PZP: variants seen among roughly 807,000 people sequenced by gnomAD.
PZP encodes PZP alpha-2-macroglobulin like, also known as pregnancy zone protein.
A neutral mutation model predicts 179.8 loss-of-function variants in PZP; 150 were observed. That is an observed-to-expected ratio of 0.83 (90% CI 0.73 to 0.96). The LOEUF (loss-of-function observed/expected upper bound fraction) is 0.96, where lower values mean the gene tolerates loss of function less well. Ranked by LOEUF, PZP falls within the 40% of genes least tolerant of loss-of-function variation. The probability of loss-of-function intolerance (pLI) is 0.00; values close to 1 mark genes in which losing one functional copy is unlikely to be tolerated. For missense variants in PZP, 1,689 were observed against 1,764.0 expected, an observed-to-expected ratio of 0.96 and a Z score of 0.76; for synonymous variants, 624 against 652.3, an observed-to-expected ratio of 0.96 and a Z score of 0.66.
intron 28 of PZP, chr12:9,156,019 T>C (rs1226893222): frequency 1.1e-5 from 2 of 176,828 alleles, no homozygotes; most frequent in Non-Finnish European, 2.4e-5. Context: ...TTCTTGACCT[T>C]TTGGCTAAGA....
intron 4 of PZP, among the ~76,000 whole-genome samples, 164 bp from the exon 5 acceptor site, chr12:9,201,511 C>T (rs971009407): frequency 2.0e-5 from 3 of 152,040 alleles, no homozygotes; most frequent in African/African-American, 7.2e-5. Context: ...TTAAATAGTT[C>T]TAGGATGAGC....
rs776889929 is a variant in PZP at position 9,202,390 on chromosome 12, G to A, written c.428-19C>T. 18 of 1,613,914 alleles carry A rather than the reference G, an allele frequency of 1.1e-5. No individual in the cohort carries two copies. The highest frequency in any genetic ancestry group is 1.6e-4 in the Middle Eastern group (1 of 6,084). The stretch of plus-strand genomic sequence containing the variant: ...AATCTTACTGGAAAAGTAGTTCTCC[G>A]ATAAGATTCAGACATGATAAAGCAG... On this transcript the variant is annotated intron_variant, in intron 3 of 35. Transcript: ENST00000261336.
At chr12:9,199,865 T>C (rs1487919038) in intron 7 of PZP, among the ~76,000 whole-genome samples, 2 of 152,126 alleles carry the variant, frequency 1.3e-5, no homozygotes, top group East Asian at 1.9e-4. Context: ...AAATTTCCGT[T>C]GTAGAGAGTT....
the PZP span, among the ~76,000 whole-genome samples, chr12:9,136,793 T>C: frequency 6.6e-6 from 1 of 152,208 alleles, no homozygotes; most frequent in East Asian, 1.9e-4. Context: ...GAGCATTTTT[T>C]CATATACCTA....
At chr12:9,202,170 G>T in intron 4 of PZP, 149 bp downstream of exon 4, 1 of 694,958 alleles carries the variant, frequency 1.4e-6, no homozygotes, top group Non-Finnish European at 2.4e-6. Flanking sequence ...TTTTTGTTTT[G>T]TATAAGACTG....
Position 9,168,866 on chromosome 12 carries a change from T to C in PZP, c.2107+3A>G. The C allele has an allele frequency of 6.2e-7, 1 of 1,605,494 alleles. No homozygotes were observed. The highest frequency in any genetic ancestry group is 8.5e-7 in the Non-Finnish European group (1 of 1,173,416). On this transcript the variant is annotated splice_donor_region_variant and intron_variant, in intron 17 of 35. Transcript: ENST00000261336. ...TAAAATTAAAAGCAAATTGCTGTTT[T>C]ACCTCCATAGTATCCTTGACCTACT...
At chr12:9,164,812 ACT>A (rs1168544807) in intron 19 of PZP, among the ~76,000 whole-genome samples, 2 of 152,172 alleles carry the variant, frequency 1.3e-5, no homozygotes, top group African/African-American at 4.8e-5. Flanking sequence ...TTGGAGAATG[ACT>A]CTCGTGGAAC....
chr12:9,156,716 A>G (rs1191153357), intron 28 of PZP, among the ~76,000 whole-genome samples: 3 of 152,176 alleles, frequency 2.0e-5, no homozygotes, highest in Non-Finnish European at 4.4e-5. Context: ...CAGAGAAGAC[A>G]GTTTTATAAG....
At chr12:9,185,247 C>A (rs1943028456) in intron 13 of PZP, among the ~76,000 whole-genome samples, 2 of 152,178 alleles carry the variant, frequency 1.3e-5, no homozygotes, top group South Asian at 4.2e-4. Flanking sequence ...ACCAACCTGA[C>A]AGAGCTGAAC....
the PZP span, among the ~76,000 whole-genome samples, chr12:9,143,071 G>A: frequency 3.9e-5 from 6 of 152,180 alleles, no homozygotes; most frequent in Non-Finnish European, 4.4e-5. Context: ...CTTGGACATC[G>A]ATTTTAGTTA....
In PZP at chr12:9,157,834, A is replaced by G; in HGVS notation, c.3302T>C (p.Val1101Ala). The change falls in exon 27 of 36, where the codon GTA becomes GCA. Residue 1101 changes from valine to alanine, a missense_variant. Val to Ala is a moderately conservative substitution (Grantham distance 64). Transcript: ENST00000261336. Reference sequence around the variant, plus strand: ...GGCGGAGAGGGTCGCTTCATCTTCTACACCTCCCTGTGAATACAACATTGA... The same window carrying G: ...GGCGGAGAGGGTCGCTTCATCTTCTGCACCTCCCTGTGAATACAACATTGA... ...SLLNNAIKGG[V>A]EDEATLSAYV... The G allele has an allele frequency of 6.2e-7, 1 of 1,613,302 alleles. No individual in the cohort carries two copies. The highest frequency in any genetic ancestry group is 1.1e-5 in the South Asian group (1 of 91,014).
chr12:9,204,416 T>C (rs1038240313), intron 1 of PZP, among the ~76,000 whole-genome samples: 17 of 152,230 alleles, frequency 1.1e-4, no homozygotes, highest in Admixed American at 1.0e-3. Context: ...ACACCGTGAC[T>C]AGATTTACAG....
intron 29 of PZP, 69 bp from the exon 30 acceptor site, chr12:9,153,412 C>T: frequency 7.6e-7 from 1 of 1,312,020 alleles, no homozygotes; most frequent in Non-Finnish European, 1.1e-6. Context: ...CCCCCAAAGT[C>T]TGTGTTAGCC....
At position 9,170,475 on chromosome 12, in the gene PZP, G is replaced by A. The variant is rs752279371; in HGVS notation, c.1840-884C>T. Among the ~76,000 whole-genome samples, 111 of 152,328 alleles carry A rather than the reference G, an allele frequency of 7.3e-4. No homozygotes were observed. The highest frequency in any genetic ancestry group is 2.6e-3 in the African/African-American group (107 of 41,568). On this transcript the variant is annotated intron_variant, in intron 15 of 35. Coordinates refer to ENST00000261336, the MANE Select transcript of PZP (RefSeq NM_002864.3). This position sits in a 1 kb window ranked among gnomAD's most constrained non-coding sequence, Gnocchi z 4.6. ...CCCTAGGAAGGGGGCTAAATTCAGA[G>A]AGCCAAAGAGCATCATCCTGTGGAC...
In PZP at chr12:9,149,704, A is replaced by G; in HGVS notation, c.4385-102T>C. 2.8e-6 allele frequency: 3 copies of G among 1,065,792 alleles called. 1 individual carries two copies. The highest frequency in any genetic ancestry group is 2.2e-4 in the Middle Eastern group (1 of 4,496). The allele number at this position is 1,065,792 out of a possible 1,614,324, so 66.0% of individuals were successfully genotyped here. A position where few individuals can be genotyped will look rare whatever the true frequency, so the allele number is the denominator to read the frequency against. ...TTACTACTGGAGAAAAGCACGCCCT[A>G]TCAGAATTGTCAAAACTTCATGTAA... is the stretch of plus-strand genomic sequence containing the variant. On this transcript the variant is annotated intron_variant, in intron 34 of 35. Transcript: ENST00000261336.
chr12:9,148,313 A>G (rs1428812399), downstream of PZP, among the ~76,000 whole-genome samples: 3 of 152,180 alleles, frequency 2.0e-5, no homozygotes, highest in Non-Finnish European at 4.4e-5. Context: ...AAAATAATCT[A>G]TAGGATGCAG....
At chr12:9,137,938 A>G in the PZP span, among the ~76,000 whole-genome samples, 1 of 152,106 alleles carries the variant, frequency 6.6e-6, no homozygotes, top group East Asian at 1.9e-4. Context: ...TGGGATTTTT[A>G]ATACATAATA....
At chr12:9,167,830 A>G (rs1941700353) in intron 17 of PZP, among the ~76,000 whole-genome samples, 1 of 152,212 alleles carries the variant, frequency 6.6e-6, no homozygotes, top group Non-Finnish European at 1.5e-5. Flanking sequence ...TCAATGGTTT[A>G]AACTTGAAGT....
chr12:9,203,891 GAC>G lies in PZP; in HGVS notation c.142_143del (p.Val48ProfsTer7), dbSNP rs1944316423. The G allele has an allele frequency of 6.2e-7, 1 of 1,614,032 alleles. No homozygotes were observed. Among genetic ancestry groups the G allele is most frequent in the African/African-American group, 1.3e-5 (1 of 74,916 alleles). On this transcript the variant is annotated frameshift_variant, in exon 2 of 36. Transcript: ENST00000261336. LOFTEE classifies it high-confidence loss of function. The stretch of plus-strand genomic sequence containing the variant: ...CTGTCTCATTCAGGTGGCTCAGAAG[GAC>G]ACAGCCCTTCTTAGGGGCCTCAGTG... The part of the protein sequence containing the change: ...LHTEAPKKGC[V>X]LLSHLNETVT...
Sources: gnomAD v4.1 joint callset for allele counts (sites outside exome capture counted in the v4.1 genomes callset) on GRCh38, gnomAD v4.1.1 for gene constraint, Gnocchi (gnomAD v3.1) non-coding constraint, MANE v1.5 for transcripts, NCBI Gene and HGNC (gene_info 2026-07-23, HGNC 2026-07-21) for gene names.